Variants in ARSF observed in about 807,000 individuals in gnomAD.
The protein encoded by ARSF is arylsulfatase F.
In ARSF, 33 loss-of-function variants were observed where a neutral mutation model predicts 35.4. That is an observed-to-expected ratio of 0.93 (90% CI 0.71 to 1.25). The LOEUF (loss-of-function observed/expected upper bound fraction) is 1.25, where lower values mean the gene tolerates loss of function less well. Among genes scored for constraint, ARSF ranks in the 50% most tolerant of loss-of-function variants. The pLI, the probability that ARSF is intolerant of heterozygous loss-of-function variation, is 0.00. For synonymous variants in ARSF, 222 were observed against 193.1 expected, an observed-to-expected ratio of 1.15 and a Z score of -1.24; for missense variants, 501 against 480.2, an observed-to-expected ratio of 1.04 and a Z score of -0.40.
intron 1 of ARSF, among the ~76,000 whole-genome samples, chrX:3,050,102 TAAAAG>T (rs1010171911): frequency 2.7e-5 from 3 of 110,725 alleles, no homozygotes; most frequent in Non-Finnish European, 5.7e-5. Context: ...TGTTAAGAAA[TAAAAG>T]AAAAGGAAAA....
At chrX:3,057,414 G>A (rs1004517967) in intron 1 of ARSF, among the ~76,000 whole-genome samples, 7 of 111,306 alleles carry the variant, frequency 6.3e-5, no homozygotes, top group African/African-American at 2.3e-4. Context: ...CGGTGAGATG[G>A]TTTATGGAGC....
chrX:3,091,050 AT>A (rs2090285870), intron 7 of ARSF, among the ~76,000 whole-genome samples: 2 of 14,576 alleles, frequency 1.4e-4, no homozygotes, highest in Admixed American at 6.8e-4. Context: ...AGCTGGGGCT[AT>A]CTATAGGCAC....
chrX:3,078,861 A>C (rs1161958912), intron 4 of ARSF, among the ~76,000 whole-genome samples: 1 of 110,918 alleles, frequency 9.0e-6, no homozygotes, highest in Non-Finnish European at 1.9e-5. Flanking sequence ...ATATTGTACA[A>C]CCATCACCTC....
At chrX:3,048,627 T>G (rs1477196760) in intron 1 of ARSF, among the ~76,000 whole-genome samples, 1 of 112,333 alleles carries the variant, frequency 8.9e-6, no homozygotes, top group East Asian at 2.8e-4. Flanking sequence ...TATTGATTGA[T>G]GTCTCATGTC....
intron 7 of ARSF, 104 bp downstream of exon 7, chrX:3,089,736 A>G (rs2090275746): frequency 1.1e-6 from 1 of 942,303 alleles, no homozygotes; most frequent in East Asian, 3.2e-5. Flanking sequence ...AATTATGCCT[A>G]TGGGACAGAG....
chrX:3,063,949 A>G (rs2090052843), intron 1 of ARSF, among the ~76,000 whole-genome samples: 1 of 112,026 alleles, frequency 8.9e-6, no homozygotes, highest in Admixed American at 9.5e-5. Context: ...ATTGGGAAAA[A>G]CGACTTTAAA....
chrX:3,076,331 C>T (rs1039731126), intron 3 of ARSF, among the ~76,000 whole-genome samples: 3 of 50,080 alleles, frequency 6.0e-5, no homozygotes, highest in African/African-American at 1.4e-4. Flanking sequence ...CTCTCTTTCT[C>T]GTTTGTCTCT....
chrX:3,066,308 C>A (rs140539003), intron 1 of ARSF, among the ~76,000 whole-genome samples: 1 of 111,383 alleles, frequency 9.0e-6, no homozygotes, highest in Non-Finnish European at 1.9e-5. Context: ...TGGGTGTTGA[C>A]GAACAGCACA....
chrX:3,088,445 T>C (rs2090264146), intron 6 of ARSF, among the ~76,000 whole-genome samples: 1 of 111,822 alleles, frequency 8.9e-6, no homozygotes, highest in Non-Finnish European at 1.9e-5. Context: ...GACTACCAGG[T>C]TCATATGCCT....
chrX:3,099,626 T>C (rs968854132), intron 7 of ARSF, among the ~76,000 whole-genome samples: 6 of 111,822 alleles, frequency 5.4e-5, no homozygotes, highest in Non-Finnish European at 1.1e-4. Context: ...CATCTCTTGA[T>C]TAAATGGTGT....
chrX:3,089,143 G>T (rs2090270122), intron 6 of ARSF, among the ~76,000 whole-genome samples: 1 of 112,014 alleles, frequency 8.9e-6, no homozygotes, highest in South Asian at 3.7e-4. Flanking sequence ...GAACAAATAG[G>T]TACCAAACAA....
At chrX:3,099,221 A>T (rs956254271) in intron 7 of ARSF, among the ~76,000 whole-genome samples, 4 of 111,916 alleles carry the variant, frequency 3.6e-5, no homozygotes, top group African/African-American at 3.2e-5. Context: ...GGAAATTAAC[A>T]TGGGTGGATT....
intron 1 of ARSF, among the ~76,000 whole-genome samples, chrX:3,049,799 G>A (rs1381078996): frequency 1.8e-5 from 2 of 111,564 alleles, no homozygotes; most frequent in Non-Finnish European, 1.9e-5. Flanking sequence ...GAAGGGAAAA[G>A]TGAGTCAAAG....
chrX:3,043,587 C>T (rs1030921959), intron 1 of ARSF, among the ~76,000 whole-genome samples: 1 of 111,276 alleles, frequency 9.0e-6, no homozygotes, highest in Non-Finnish European at 1.9e-5. Context: ...CTGCTTGCCT[C>T]AGAGCTTTCC....
intron 1 of ARSF, among the ~76,000 whole-genome samples, chrX:3,054,905 T>A (rs2147478533): frequency 9.3e-6 from 1 of 107,252 alleles, no homozygotes; most frequent in Admixed American, 9.9e-5. Flanking sequence ...GGCTAATATT[T>A]TTTGTATTTA....
rs746604280 is a variant in ARSF, at chrX:3,112,265, C to T, written c.1482C>T (p.Phe494=). The T allele has an allele frequency of 2.0e-5, 24 of 1,208,291 alleles. No individual in the cohort carries two copies. Among genetic ancestry groups the T allele is most frequent in the African/African-American group, 1.1e-4 (6 of 56,747 alleles). The change falls in exon 11 of 11, where the codon TTC becomes TTT. Residue 494 remains phenylalanine, a synonymous_variant. Coordinates refer to ENST00000381127, the MANE Select transcript of ARSF (RefSeq NM_001201539.2). ...GCYVTSLCRC[F]GEQVTYHNPP... ...ATGTCACCTCATTATGCAGATGTTT[C>T]GGAGAACAGGTTACCTACCACAACC...
At chrX:3,080,838 A>G in intron 4 of ARSF, 53 bp from the exon 5 acceptor site, 1 of 1,193,307 alleles carries the variant, frequency 8.4e-7, no homozygotes, top group Non-Finnish European at 1.1e-6. Flanking sequence ...TGACAAAAAT[A>G]TTCCCTCTGT....
rs745823294 is a variant in ARSF at position 3,110,147 on chromosome X, C to T, written c.1285C>T (p.Leu429Phe). The T allele has an allele frequency of 5.0e-6, 6 of 1,196,615 alleles. No homozygotes were observed. Among genetic ancestry groups the T allele is most frequent in the Admixed American group, 2.2e-5 (1 of 44,904 alleles). ...CTGCAGGGTCATTGACGGCCGAGAC[C>T]TCATGCCCTTGCTGCAGGGCAACGT... ...PQDRVIDGRD[L>F]MPLLQGNVRH... Residue 429 changes from leucine (L) to phenylalanine (F), a missense_variant, in exon 10 of 11, where the codon CTC becomes TTC. Leu to Phe is a conservative substitution (Grantham distance 22). Transcript: ENST00000381127.
intron 4 of ARSF, among the ~76,000 whole-genome samples, chrX:3,077,007 T>G (rs1191645121): frequency 2.7e-5 from 3 of 110,544 alleles, no homozygotes; most frequent in African/African-American, 9.9e-5. Flanking sequence ...ATCACAGCAT[T>G]GCACTCTAGC....
Sources: allele counts gnomAD v4.1 joint callset (sites outside exome capture counted in the v4.1 genomes callset), GRCh38; gene constraint gnomAD v4.1.1; transcripts MANE v1.5; gene names NCBI Gene and HGNC (gene_info 2026-07-23, HGNC 2026-07-21).